Variants in MFNG observed in about 807,000 individuals in gnomAD.
MFNG encodes beta-1,3-N-acetylglucosaminyltransferase manic fringe.
A neutral mutation model predicts 34.2 loss-of-function variants in MFNG; 24 were observed. The ratio of observed to expected loss-of-function variants is 0.70; its 90% CI spans 0.51 to 0.99. The LOEUF (loss-of-function observed/expected upper bound fraction) is 0.99, where lower values mean the gene tolerates loss of function less well. MFNG is among the 50% of genes least tolerant of loss of function. MFNG has a pLI of 0.00. For missense variants in MFNG, 383 were observed against 424.0 expected (o/e 0.90, Z 0.85); for synonymous variants, 158 against 179.2 (o/e 0.88, Z 0.94).
chr22:37,480,640 C>G, intron 2 of MFNG, 81 bp downstream of exon 2: 2 of 1,380,532 alleles, frequency 1.4e-6, no homozygotes, highest in Non-Finnish European at 2.0e-6. Flanking sequence ...TCCTGGGAAC[C>G]CTCAGGCCAG....
At chr22:37,484,833 G>A (rs1177812641) in intron 1 of MFNG, among the ~76,000 whole-genome samples, 2 of 152,198 alleles carry the variant, frequency 1.3e-5, no homozygotes, top group Non-Finnish European at 2.9e-5. Flanking sequence ...AGAAATCAGG[G>A]CAGGGTGCCC....
chr22:37,481,844 C>T (rs747291629), intron 1 of MFNG, among the ~76,000 whole-genome samples: 4 of 152,242 alleles, frequency 2.6e-5, no homozygotes, highest in African/African-American at 7.2e-5. Context: ...TGAAGCTCAG[C>T]GCCTCCAACT....
Position 37,483,864 on chromosome 22 carries a change from G to A in MFNG, c.255+2059C>T. Among the ~76,000 whole-genome samples, 1 of 152,350 alleles carries A rather than the reference G, an allele frequency of 6.6e-6. No homozygotes were observed. Among genetic ancestry groups the A allele is most frequent in the Non-Finnish European group, 1.5e-5 (1 of 68,028 alleles). Reference sequence around the variant, plus strand: ...CAGGTCCAGAGGGGGCGGGGGCACAGGAGAGGGCAGTGAGGCTGGCGCTTT... The same window carrying A: ...CAGGTCCAGAGGGGGCGGGGGCACAAGAGAGGGCAGTGAGGCTGGCGCTTT... On this transcript the variant is annotated intron_variant, in intron 1 of 7. Coordinates refer to ENST00000356998, the MANE Select transcript of MFNG (RefSeq NM_002405.4). This position sits in a 1 kb window ranked among gnomAD's most constrained non-coding sequence, Gnocchi z 4.5.
intron 7 of MFNG, 103 bp downstream of exon 7, chr22:37,472,340 C>T (rs544664027): frequency 3.6e-6 from 3 of 834,282 alleles, no homozygotes; most frequent in East Asian, 5.7e-5. Flanking sequence ...TGCTGTCAGC[C>T]ACCAAAGCCT....
At chr22:37,472,564 A>C in intron 6 of MFNG, 36 bp from the exon 7 acceptor site, 1 of 1,537,906 alleles carries the variant, frequency 6.5e-7, no homozygotes, top group Non-Finnish European at 8.8e-7. Context: ...GGGGCATCAC[A>C]CTGGGGATCC....
chr22:37,476,850 G>T, intron 5 of MFNG, 46 bp downstream of exon 5: 2 of 1,454,092 alleles, frequency 1.4e-6, no homozygotes, highest in Non-Finnish European at 1.9e-6. Context: ...TACCCCAGCT[G>T]CCACCCCCTC....
intron 4 of MFNG, among the ~76,000 whole-genome samples, chr22:37,478,555 C>T (rs1214908352): frequency 1.3e-5 from 2 of 152,134 alleles, no homozygotes; most frequent in South Asian, 2.1e-4. Flanking sequence ...CAGGTGTCGA[C>T]TCTTCAGTCA....
chr22:37,480,252 C>T lies in MFNG; in HGVS notation c.352G>A (p.Ala118Thr). The change falls in exon 3 of 8, where the codon GCT becomes ACT. Residue 118 changes from alanine to threonine, a missense_variant. Coordinates refer to ENST00000356998, the MANE Select transcript of MFNG (RefSeq NM_002405.4). ...TNCSAEHSHPALSCKMAAEFD... is the reference protein window; with the variant it reads ...TNCSAEHSHPTLSCKMAAEFD... Reference sequence around the variant, plus strand: ...TCAGCAGCCATCTTGCAGGACAGAGCTGGGTGGCTGTGTTCCGCGGAGCAG... The same window carrying T: ...TCAGCAGCCATCTTGCAGGACAGAGTTGGGTGGCTGTGTTCCGCGGAGCAG... The T allele has an allele frequency of 1.2e-6, 2 of 1,613,710 alleles. No homozygotes were observed. The highest frequency in any genetic ancestry group is 1.7e-6 in the Non-Finnish European group (2 of 1,179,602).
At chr22:37,472,391 C>G (rs1270303438) in intron 7 of MFNG, 52 bp downstream of exon 7, 2 of 1,388,298 alleles carry the variant, frequency 1.4e-6, no homozygotes, top group Non-Finnish European at 9.8e-7. Flanking sequence ...TGTTTGGATG[C>G]CTGGACTCAG....
intron 2 of MFNG, 95 bp downstream of exon 2, chr22:37,480,626 C>A (rs1922251969): frequency 8.2e-7 from 1 of 1,221,430 alleles, no homozygotes; most frequent in African/African-American, 1.5e-5. Flanking sequence ...GTGGGCGGCC[C>A]ATTTCCTGGG....
At position 37,485,878 on chromosome 22, in the gene MFNG, T is replaced by TTG. The variant is rs1213387359; in HGVS notation, c.255+44_255+45insCA. ...AGTAGAAAGGCCTCTGAGAACCCCT[T>TTG]AGGCCAGGGGCCACCCCCAGGGCCC... On this transcript the variant is annotated intron_variant, in intron 1 of 7. Transcript: ENST00000356998. The surrounding 1 kb of genome is among the most constrained non-coding windows in gnomAD (Gnocchi z 5.3). 6.3e-7 allele frequency: 1 copy of TTG among 1,579,748 alleles called. No individual in the cohort carries two copies. The highest frequency in any genetic ancestry group is 1.4e-5 in the African/African-American group (1 of 74,046).
chr22:37,483,828 G>T lies in MFNG; in HGVS notation c.255+2095C>A, dbSNP rs1922406679. On this transcript the variant is annotated intron_variant, in intron 1 of 7. Transcript: ENST00000356998. The surrounding 1 kb of genome is among the most constrained non-coding windows in gnomAD (Gnocchi z 4.5). ...TGAACAGAGTGAGGGAGAGAGCCGGGAAGGGGAGTCCAGGTCCAGAGGGGG... is the reference window on the plus strand; with the variant it reads ...TGAACAGAGTGAGGGAGAGAGCCGGTAAGGGGAGTCCAGGTCCAGAGGGGG... 6.6e-6 allele frequency among the ~76,000 whole-genome samples: 1 copy of T among 152,150 alleles called. No individual in the cohort carries two copies. Among genetic ancestry groups the T allele is most frequent in the Non-Finnish European group, 1.5e-5 (1 of 68,022 alleles).
intron 3 of MFNG, 62 bp from the exon 4 acceptor site, chr22:37,479,560 C>T (rs1430117296): frequency 3.1e-6 from 5 of 1,595,634 alleles, no homozygotes; most frequent in Non-Finnish European, 4.3e-6. Flanking sequence ...GGTCCCCAAG[C>T]ACCCCCACAG....
chr22:37,472,331 G>C lies in MFNG; in HGVS notation c.899+112C>G, dbSNP rs117784496. 7,157 of 758,108 alleles carry C rather than the reference G, an allele frequency of 9.4e-3. 66 individuals carry two copies. Among genetic ancestry groups the C allele is most frequent in the Non-Finnish European group, 0.011 (5,122 of 474,026 alleles). 47.0% of individuals were successfully genotyped at this position (758,108 alleles called of 1,614,324 possible). On this transcript the variant is annotated intron_variant, in intron 7 of 7. Coordinates refer to ENST00000356998, the MANE Select transcript of MFNG (RefSeq NM_002405.4). ...CCACTCCCTCCACTCCTAGCTCTGTGCTGTCAGCCACCAAAGCCTGTCCCA... is the reference window on the plus strand; with the variant it reads ...CCACTCCCTCCACTCCTAGCTCTGTCCTGTCAGCCACCAAAGCCTGTCCCA...
At position 37,485,343 on chromosome 22, in the gene MFNG, C is replaced by T. The variant is rs568993545; in HGVS notation, c.255+580G>A. Among the ~76,000 whole-genome samples, 9 of 152,330 alleles carry T rather than the reference C, an allele frequency of 5.9e-5. No individual in the cohort carries two copies. The highest frequency in any genetic ancestry group is 5.9e-4 in the Admixed American group (9 of 15,310). ...CACAGGAGGCCAGACATGGCGGCCT[C>T]GGCACACCCGGGGCAGCAGAGACAC... On this transcript the variant is annotated intron_variant, in intron 1 of 7. Transcript: ENST00000356998. The surrounding 1 kb of genome is among the most constrained non-coding windows in gnomAD (Gnocchi z 5.3).
chr22:37,483,083 C>T lies in MFNG; in HGVS notation c.256-2314G>A, dbSNP rs1188491887. Among the ~76,000 whole-genome samples, 4 of 152,152 alleles carry T rather than the reference C, an allele frequency of 2.6e-5. No homozygotes were observed. The highest frequency in any genetic ancestry group is 5.9e-5 in the Non-Finnish European group (4 of 68,014). On this transcript the variant is annotated intron_variant, in intron 1 of 7. Coordinates refer to ENST00000356998, the MANE Select transcript of MFNG (RefSeq NM_002405.4). This position sits in a 1 kb window ranked among gnomAD's most constrained non-coding sequence, Gnocchi z 4.5. Reference sequence around the variant, plus strand: ...GGGGGCTTAACACATCAAGACTGAGCCCCCGTTCTCCCCAAGACCTGCTCC... The same window carrying T: ...GGGGGCTTAACACATCAAGACTGAGTCCCCGTTCTCCCCAAGACCTGCTCC...
chr22:37,476,865 C>A (rs370532403), intron 5 of MFNG, 31 bp downstream of exon 5: 40 of 1,584,236 alleles, frequency 2.5e-5, no homozygotes, highest in Non-Finnish European at 3.5e-5. Flanking sequence ...CCCCTCCCCG[C>A]CTTCCTGCCC....
intron 1 of MFNG, among the ~76,000 whole-genome samples, chr22:37,481,910 C>G (rs1922305680): frequency 6.6e-6 from 1 of 152,240 alleles, no homozygotes; most frequent in African/African-American, 2.4e-5. Flanking sequence ...GGAATTAGCC[C>G]TTCAGATCAG....
At chr22:37,474,023 C>CA (rs1306178901) in intron 6 of MFNG, among the ~76,000 whole-genome samples, 1 of 152,176 alleles carries the variant, frequency 6.6e-6, no homozygotes, top group African/African-American at 2.4e-5. Flanking sequence ...AGCGTCCCCC[C>CA]AAAGACCCAT....
Sources: gnomAD v4.1 joint callset for allele counts (sites outside exome capture counted in the v4.1 genomes callset) on GRCh38, gnomAD v4.1.1 for gene constraint, Gnocchi (gnomAD v3.1) non-coding constraint, MANE v1.5 for transcripts, NCBI Gene and HGNC (gene_info 2026-07-23, HGNC 2026-07-21) for gene names.